SPMIP2: variants seen among roughly 807,000 people sequenced by gnomAD.
SPMIP2 encodes sperm microtubule inner protein 2, also known as protein SPMIP2.
chr4:159,050,797 T>A, the SPMIP2 span, among the ~76,000 whole-genome samples: 2 of 146,638 alleles, frequency 1.4e-5, no homozygotes, highest in African/African-American at 2.5e-5. Flanking sequence ...ACTCATCCGT[T>A]AAAAAAAAAA....
the SPMIP2 span, among the ~76,000 whole-genome samples, chr4:158,963,445 G>A: frequency 6.6e-6 from 1 of 152,248 alleles, no homozygotes; most frequent in Non-Finnish European, 1.5e-5. Context: ...GGGACCACAG[G>A]TGCACACCAC....
the SPMIP2 span, among the ~76,000 whole-genome samples, chr4:159,041,247 T>A: frequency 6.6e-6 from 1 of 152,164 alleles, no homozygotes; most frequent in Non-Finnish European, 1.5e-5. Flanking sequence ...CTTCCCCCAG[T>A]TGTAGTTAAC....
the SPMIP2 span, among the ~76,000 whole-genome samples, chr4:159,059,081 CA>C: frequency 1.3e-5 from 2 of 152,326 alleles, no homozygotes; most frequent in South Asian, 4.1e-4. Context: ...AGCAGGAATG[CA>C]GACATATCAT....
the SPMIP2 span, among the ~76,000 whole-genome samples, chr4:159,051,389 C>T: frequency 6.6e-6 from 1 of 152,158 alleles, no homozygotes; most frequent in Non-Finnish European, 1.5e-5. Flanking sequence ...CTGTAAACTG[C>T]TCAGAAGAAA....
chr4:158,995,982 C>T, the SPMIP2 span, among the ~76,000 whole-genome samples: 1 of 151,902 alleles, frequency 6.6e-6, no homozygotes, highest in Non-Finnish European at 1.5e-5. Context: ...CTAGCCGTTT[C>T]GTGACTATGT....
chr4:159,060,331 T>C, the SPMIP2 span, among the ~76,000 whole-genome samples: 8 of 152,176 alleles, frequency 5.3e-5, no homozygotes, highest in African/African-American at 9.6e-5. Context: ...AAGTTCCAAA[T>C]GAGGTCATTG....
At chr4:158,935,618 G>T in the SPMIP2 span, among the ~76,000 whole-genome samples, 1 of 152,170 alleles carries the variant, frequency 6.6e-6, no homozygotes. Flanking sequence ...AACGATAAAG[G>T]GTTTGGAGTG....
the SPMIP2 span, among the ~76,000 whole-genome samples, chr4:159,058,199 T>C: frequency 2.0e-5 from 3 of 151,742 alleles, no homozygotes; most frequent in African/African-American, 7.3e-5. Context: ...TTTTTTTTTT[T>C]CTTTAAAATT....
chr4:159,035,025 C>T, the SPMIP2 span: 1 of 1,609,014 alleles, frequency 6.2e-7, no homozygotes, highest in South Asian at 1.1e-5. Flanking sequence ...AACACAAAAA[C>T]TATTTACCTG....
the SPMIP2 span, among the ~76,000 whole-genome samples, chr4:158,932,669 T>A: frequency 1.2e-4 from 19 of 152,132 alleles, no homozygotes; most frequent in African/African-American, 3.9e-4. Flanking sequence ...GAGAGTCAGG[T>A]CAAACAAAAA....
At chr4:158,959,430 G>GC in the SPMIP2 span, among the ~76,000 whole-genome samples, 1 of 57,196 alleles carries the variant, frequency 1.7e-5, no homozygotes, top group East Asian at 6.2e-4. Flanking sequence ...TATAGGAATT[G>GC]CCCACTAAGG....
At chr4:158,999,079 G>T in the SPMIP2 span, among the ~76,000 whole-genome samples, 51,342 of 151,524 alleles carry the variant, frequency 0.34, 9,293 homozygotes, top group Middle Eastern at 0.41. Flanking sequence ...CTGGAGGATT[G>T]CTTGAGCCCA....
At chr4:158,906,640 T>A in the SPMIP2 span, 1 of 152,222 alleles carries the variant, frequency 6.6e-6, no homozygotes, top group East Asian at 1.9e-4. Context: ...GTGGGTCACA[T>A]GTGGGGGCTG....
the SPMIP2 span, among the ~76,000 whole-genome samples, chr4:158,968,496 C>T: frequency 2.4e-4 from 36 of 152,256 alleles, 2 homozygotes; most frequent in South Asian, 6.8e-3. Context: ...AAAATGATAA[C>T]GCAACTGTGT....
chr4:159,007,023 G>C, the SPMIP2 span: 1 of 422,946 alleles, frequency 2.4e-6, no homozygotes, highest in East Asian at 6.2e-5. Context: ...TCCTGTGAAA[G>C]TTTTGATGCC....
the SPMIP2 span, among the ~76,000 whole-genome samples, chr4:158,989,534 T>C: frequency 1.3e-5 from 2 of 152,076 alleles, no homozygotes; most frequent in Non-Finnish European, 2.9e-5. Flanking sequence ...AAAACAGATA[T>C]ATAGACCGAT....
At chr4:158,919,746 T>TA in the SPMIP2 span, among the ~76,000 whole-genome samples, 1 of 152,350 alleles carries the variant, frequency 6.6e-6, no homozygotes, top group Non-Finnish European at 1.5e-5. Flanking sequence ...CAGTAAGTAA[T>TA]AATCCATCAC....
the SPMIP2 span, among the ~76,000 whole-genome samples, chr4:158,965,670 A>T: frequency 1.2e-5 from 1 of 81,722 alleles, no homozygotes; most frequent in Non-Finnish European, 3.2e-5. Context: ...TTTCTATTTA[A>T]AAAAAAAAAA....
At chr4:159,021,114 G>C in the SPMIP2 span, among the ~76,000 whole-genome samples, 2 of 152,070 alleles carry the variant, frequency 1.3e-5, no homozygotes, top group Admixed American at 1.3e-4. Flanking sequence ...TACACATATA[G>C]TTTCTGTCTG....
Sources: allele counts gnomAD v4.1 joint callset (sites outside exome capture counted in the v4.1 genomes callset), GRCh38; gene constraint gnomAD v4.1.1; transcripts MANE v1.5; gene names NCBI Gene and HGNC (gene_info 2026-07-23, HGNC 2026-07-21).